Variants in AMDHD2 observed in about 807,000 individuals in gnomAD.
AMDHD2 encodes the protein N-acetylglucosamine-6-phosphate deacetylase.
In AMDHD2, 24 loss-of-function variants were observed where a neutral mutation model predicts 41.8. The observed-to-expected ratio is 0.57, with a 90% CI of 0.42 to 0.81. The LOEUF is 0.81. Ranked by LOEUF, AMDHD2 falls within the 30% of genes least tolerant of loss-of-function variation. The probability of loss-of-function intolerance (pLI) is 0.00; values close to 1 mark genes in which losing one functional copy is unlikely to be tolerated. For missense variants in AMDHD2, 540 were observed against 588.5 expected (o/e 0.92, Z 0.85); for synonymous variants, 332 against 255.5 (o/e 1.30, Z -2.85).
In AMDHD2 at chr16:2,520,391, T is replaced by A; in HGVS notation, c.-68T>A. On this transcript the variant is annotated 5_prime_UTR_variant, in exon 1 of 11. Coordinates refer to ENST00000293971, the MANE Select transcript of AMDHD2 (RefSeq NM_001330449.2). ...GCGCGGTCTCAGCTCTCGGCTGGGG[T>A]TCGTCACTGGGCGCGGGATTTGGCC... 3.4e-6 allele frequency: 4 copies of A among 1,179,832 alleles called. No homozygotes were observed. The highest frequency in any genetic ancestry group is 4.2e-6 in the Non-Finnish European group (4 of 944,612). 73.1% of individuals were successfully genotyped at this position (1,179,832 alleles called of 1,614,324 possible).
In AMDHD2 at chr16:2,531,194, GC is replaced by G; in HGVS notation, c.*1635del. ...TGGCCTGCCCCATTCACCGGCCAGC[GC>G]CCCACCTCCCTGGCTGGAGGGTCGG... On this transcript the variant is annotated 3_prime_UTR_variant, in exon 11 of 11. Coordinates refer to ENST00000293971, the MANE Select transcript of AMDHD2 (RefSeq NM_001330449.2). 1 of 1,302,610 alleles carries G rather than the reference GC, an allele frequency of 7.7e-7. No homozygotes were observed. Among genetic ancestry groups the G allele is most frequent in the Non-Finnish European group, 1.0e-6 (1 of 956,820 alleles). 80.7% of individuals were successfully genotyped at this position (1,302,610 alleles called of 1,614,324 possible). A position where few individuals can be genotyped will look rare whatever the true frequency, so the allele number is the denominator to read the frequency against.
chr16:2,527,763 C>A lies in AMDHD2; in HGVS notation c.416-10C>A. On this transcript the variant is annotated splice_polypyrimidine_tract_variant and intron_variant, in intron 4 of 10. Coordinates refer to ENST00000293971, the MANE Select transcript of AMDHD2 (RefSeq NM_001330449.2). This position sits in a 1 kb window ranked among gnomAD's most constrained non-coding sequence, Gnocchi z 6.1. ...GGGACCTGCTGGAGCCACTTGCTCC[C>A]TCCTCCCAGGGCTGCACCTGGAGGG... The A allele has an allele frequency of 6.4e-7, 1 of 1,565,232 alleles. No individual in the cohort carries two copies. The highest frequency in any genetic ancestry group is 8.6e-7 in the Non-Finnish European group (1 of 1,159,382).
chr16:2,521,689 A>G (rs902888751), intron 3 of AMDHD2, among the ~76,000 whole-genome samples: 2 of 149,238 alleles, frequency 1.3e-5, no homozygotes, highest in East Asian at 2.0e-4. Context: ...TGTTACTACT[A>G]TTCAGGCTCC....
At position 2,530,978 on chromosome 16, in the gene AMDHD2, A is replaced by G; in HGVS notation, c.*1415A>G. ...GAGGAGCTGTCTTGCCAGGGCTCCC[A>G]GGCAGGGAGAGGCAGGTGAGGTTCT... is the stretch of plus-strand genomic sequence containing the variant. On this transcript the variant is annotated 3_prime_UTR_variant, in exon 11 of 11. Coordinates refer to ENST00000293971, the MANE Select transcript of AMDHD2 (RefSeq NM_001330449.2). The G allele has an allele frequency of 6.2e-7, 1 of 1,613,236 alleles. No homozygotes were observed. The highest frequency in any genetic ancestry group is 1.7e-5 in the Admixed American group (1 of 60,020).
At chr16:2,522,200 C>G (rs997662364) in intron 3 of AMDHD2, among the ~76,000 whole-genome samples, 10 of 152,188 alleles carry the variant, frequency 6.6e-5, no homozygotes, top group African/African-American at 2.4e-4. Context: ...CCTCTTGCTT[C>G]AGCCTCTTGA....
In AMDHD2 at chr16:2,530,985, G is replaced by A. The variant is rs962656802; in HGVS notation, c.*1422G>A. The A allele has an allele frequency of 6.2e-7, 1 of 1,613,250 alleles. No homozygotes were observed. The highest frequency in any genetic ancestry group is 1.1e-5 in the South Asian group (1 of 91,066). On this transcript the variant is annotated 3_prime_UTR_variant, in exon 11 of 11. Coordinates refer to ENST00000293971, the MANE Select transcript of AMDHD2 (RefSeq NM_001330449.2). ...TGTCTTGCCAGGGCTCCCAGGCAGGGAGAGGCAGGTGAGGTTCTCAGCCGA... is the reference window on the plus strand; with the variant it reads ...TGTCTTGCCAGGGCTCCCAGGCAGGAAGAGGCAGGTGAGGTTCTCAGCCGA...
At chr16:2,525,898 C>CA (rs1249799093) in intron 3 of AMDHD2, among the ~76,000 whole-genome samples, 2 of 152,154 alleles carry the variant, frequency 1.3e-5, no homozygotes, top group Non-Finnish European at 1.5e-5. Context: ...AGGCTGGTCT[C>CA]AAACTCCTGA....
rs2066064059 is a variant in AMDHD2 at position 2,530,017 on chromosome 16, CAG to C, written c.*455_*456del. Reference sequence around the variant, plus strand: ...GAGCCGGCAGGAAGGGGACCAGTCACAGGGAGTGTGGACAGTCAGGGGTTTGC... The same window carrying C: ...GAGCCGGCAGGAAGGGGACCAGTCACGGAGTGTGGACAGTCAGGGGTTTGC... On this transcript the variant is annotated 3_prime_UTR_variant, in exon 11 of 11. Coordinates refer to ENST00000293971, the MANE Select transcript of AMDHD2 (RefSeq NM_001330449.2). 4.0e-6 allele frequency: 3 copies of C among 743,222 alleles called. No homozygotes were observed. The highest frequency in any genetic ancestry group is 3.0e-5 in the Admixed American group (1 of 33,334). 46.0% of individuals were successfully genotyped at this position (743,222 alleles called of 1,614,324 possible). A position where few individuals can be genotyped will look rare whatever the true frequency, so the allele number is the denominator to read the frequency against.
intron 3 of AMDHD2, among the ~76,000 whole-genome samples, chr16:2,521,781 G>GTTTTTTTTTTTTTTTTTTT (rs57701626): frequency 9.0e-6 from 1 of 111,594 alleles, no homozygotes; most frequent in Non-Finnish European, 1.8e-5. Flanking sequence ...TTTTTGTTTA[G>GTTTTTTTTTTTTTTTTTTT]TTTTTTTTTT....
In AMDHD2 at chr16:2,531,186, C is replaced by A; in HGVS notation, c.*1623C>A. 1 of 1,353,768 alleles carries A rather than the reference C, an allele frequency of 7.4e-7. No homozygotes were observed. The highest frequency in any genetic ancestry group is 1.5e-5 in the African/African-American group (1 of 68,012). The allele number at this position is 1,353,768 out of a possible 1,614,324, so 83.9% of individuals were successfully genotyped here. Reference sequence around the variant, plus strand: ...TTTGGGCCTGGCCTGCCCCATTCACCGGCCAGCGCCCCACCTCCCTGGCTG... The same window carrying A: ...TTTGGGCCTGGCCTGCCCCATTCACAGGCCAGCGCCCCACCTCCCTGGCTG... On this transcript the variant is annotated 3_prime_UTR_variant, in exon 11 of 11. Transcript: ENST00000293971.
At chr16:2,520,583 G>A (rs1446477606) in intron 1 of AMDHD2, 42 bp downstream of exon 1, 6 of 1,208,420 alleles carry the variant, frequency 5.0e-6, no homozygotes, top group Non-Finnish European at 6.2e-6. Flanking sequence ...GACCGGGCGG[G>A]GTGCAGGGTG....
Position 2,520,726 on chromosome 16 carries a change from A to G in AMDHD2, c.84-43A>G, listed in dbSNP as rs1231953679. On this transcript the variant is annotated intron_variant, in intron 1 of 10. Coordinates refer to ENST00000293971, the MANE Select transcript of AMDHD2 (RefSeq NM_001330449.2). Reference sequence around the variant, plus strand: ...GGGCGGGGTGCAGGGTGCGGGGCCGAGGTCAGGCCCGCGATGCGAGCGCCC... The same window carrying G: ...GGGCGGGGTGCAGGGTGCGGGGCCGGGGTCAGGCCCGCGATGCGAGCGCCC... 3.4e-6 allele frequency: 5 copies of G among 1,485,812 alleles called. No homozygotes were observed. In the African/African-American group the frequency reaches 4.3e-5, roughly 13 times the overall value. 92.0% of individuals were successfully genotyped at this position (1,485,812 alleles called of 1,614,324 possible). A position where few individuals can be genotyped will look rare whatever the true frequency, so the allele number is the denominator to read the frequency against.
chr16:2,529,136 C>T, intron 10 of AMDHD2, 41 bp downstream of exon 10: 4 of 1,484,610 alleles, frequency 2.7e-6, no homozygotes, highest in Non-Finnish European at 3.6e-6. Context: ...CCTGGCCCTG[C>T]CTGTAGACTC....
chr16:2,521,169 A>G (rs756172256), intron 3 of AMDHD2, 46 bp downstream of exon 3: 24 of 1,497,908 alleles, frequency 1.6e-5, no homozygotes, highest in Middle Eastern at 1.8e-4. Context: ...TCCCGGAGCA[A>G]CCAGCGCCCT....
At position 2,520,906 on chromosome 16, in the gene AMDHD2, G is replaced by A; in HGVS notation, c.220+1G>A. On this transcript the variant is annotated splice_donor_variant, in intron 2 of 10. Coordinates refer to ENST00000293971, the MANE Select transcript of AMDHD2 (RefSeq NM_001330449.2). LOFTEE classifies it high-confidence loss of function. Reference sequence around the variant, plus strand: ...GGATTCATCGACGTGCAGATCAACGGTGCGGCCCGGGGCCGGCAGGGGAAC... The same window carrying A: ...GGATTCATCGACGTGCAGATCAACGATGCGGCCCGGGGCCGGCAGGGGAAC... 1 of 1,605,032 alleles carries A rather than the reference G, an allele frequency of 6.2e-7. No individual in the cohort carries two copies. Among genetic ancestry groups the A allele is most frequent in the East Asian group, 2.3e-5 (1 of 44,372 alleles).
rs201110569 is a variant in AMDHD2, at chr16:2,521,045, G to C, written c.282G>C (p.Val94=). 2 of 1,611,310 alleles carry C rather than the reference G, an allele frequency of 1.2e-6. No homozygotes were observed. Among genetic ancestry groups the C allele is most frequent in the Non-Finnish European group, 1.7e-6 (2 of 1,178,492 alleles). ...TEDVGSGVAL[V]ARRILSHGVT... The stretch of plus-strand genomic sequence containing the variant: ...ACGTGGGTTCGGGGGTTGCCCTCGT[G>C]GCCCGGAGGATCCTGTCGCACGGCG... The change falls in exon 3 of 11, where the codon GTG becomes GTC. Residue 94 remains valine, a synonymous_variant. Transcript: ENST00000293971.
chr16:2,521,641 T>C (rs1375450222), intron 3 of AMDHD2, among the ~76,000 whole-genome samples: 2 of 152,144 alleles, frequency 1.3e-5, no homozygotes, highest in African/African-American at 2.4e-5. Context: ...TTTATTTTAA[T>C]TTTTACTTAG....
intron 3 of AMDHD2, among the ~76,000 whole-genome samples, chr16:2,526,857 G>C (rs1201448643): frequency 6.6e-6 from 1 of 152,156 alleles, no homozygotes; most frequent in Admixed American, 6.5e-5. Flanking sequence ...TTGAACTCAG[G>C]AGGCAGAGGT....
At chr16:2,528,763 T>A in intron 9 of AMDHD2, 45 bp downstream of exon 9, 1 of 1,605,002 alleles carries the variant, frequency 6.2e-7, no homozygotes, top group South Asian at 1.1e-5. Context: ...CTGTGAGTGG[T>A]GGGTCCCCAA....
Sources: gnomAD v4.1 joint callset for allele counts (sites outside exome capture counted in the v4.1 genomes callset) on GRCh38, gnomAD v4.1.1 for gene constraint, Gnocchi (gnomAD v3.1) non-coding constraint, MANE v1.5 for transcripts, NCBI Gene and HGNC (gene_info 2026-07-23, HGNC 2026-07-21) for gene names.